PAH: variants seen among roughly 807,000 people sequenced by gnomAD.
The protein encoded by PAH is phenylalanine-4-hydroxylase.
A neutral mutation model predicts 62.0 loss-of-function variants in PAH; 64 were observed. The ratio of observed to expected loss-of-function variants is 1.03; its 90% CI spans 0.84 to 1.27. PAH has a LOEUF of 1.27. Ranked by LOEUF, PAH falls within the 50% of genes most tolerant of loss-of-function variation. The probability of loss-of-function intolerance (pLI) is 0.00; values close to 1 mark genes in which losing one functional copy is unlikely to be tolerated. For missense variants in PAH, 579 were observed against 542.8 expected, an observed-to-expected ratio of 1.07 and a Z score of -0.66; for synonymous variants, 195 against 196.2, an observed-to-expected ratio of 0.99 and a Z score of 0.05.
chr12:102,929,041 T>A (rs1380886944), intron 1 of PAH, among the ~76,000 whole-genome samples: 1 of 152,162 alleles, frequency 6.6e-6, no homozygotes, highest in African/African-American at 2.4e-5. Flanking sequence ...CTGATGGTTT[T>A]ATAAAAGGCT....
intron 1 of PAH, among the ~76,000 whole-genome samples, chr12:102,943,444 A>T (rs974194216): frequency 4.6e-5 from 7 of 152,208 alleles, no homozygotes; most frequent in African/African-American, 1.7e-4. Context: ...GTTGTGGAGA[A>T]AAGGATATGT....
rs185366148 is a variant in PAH, at chr12:102,890,049, T to C, written c.352+4686A>G. Among the ~76,000 whole-genome samples, 167 of 152,306 alleles carry C rather than the reference T, an allele frequency of 1.1e-3. 1 individual carries two copies. The highest frequency in any genetic ancestry group is 4.0e-3 in the African/African-American group (166 of 41,554). ...CTTCTCCAGGAGGCATTTGAGAAGG[T>C]TGGGGTTTCTTTACCATGTCGCTGT... On this transcript the variant is annotated intron_variant, in intron 3 of 12. Coordinates refer to ENST00000553106, the MANE Select transcript of PAH (RefSeq NM_000277.3).
chr12:102,922,537 G>T (rs1439982882), intron 1 of PAH, among the ~76,000 whole-genome samples: 1 of 152,064 alleles, frequency 6.6e-6, no homozygotes, highest in Non-Finnish European at 1.5e-5. Context: ...TATATCTTGA[G>T]GTCACGCTGT....
Position 102,852,914 on chromosome 12 carries a change from A to C in PAH, c.743T>G (p.Leu248Arg), listed in dbSNP as rs62507340. The C allele has an allele frequency of 1.2e-6, 2 of 1,614,156 alleles. No individual in the cohort carries two copies. The highest frequency in any genetic ancestry group is 1.7e-6 in the Non-Finnish European group (2 of 1,180,004). The part of the protein sequence containing the change: ...TGFRLRPVAG[L>R]LSSRDFLGGL... ...ACCCAAGAAATCCCGAGAGGAAAGC[A>C]GGCCAGCCACAGGTCGGAGGCGGAA... The change falls in exon 7 of 13, where the codon CTG becomes CGG. Residue 248 changes from leucine to arginine, a missense_variant. Physicochemically the swap from Leu to Arg is moderately radical, Grantham distance 102. Transcript: ENST00000553106.
At chr12:102,942,797 C>T (rs1053103590) in intron 1 of PAH, among the ~76,000 whole-genome samples, 22 of 152,042 alleles carry the variant, frequency 1.4e-4, no homozygotes, top group African/African-American at 5.1e-4. Context: ...ACAAAGCTGA[C>T]AATCATAAGC....
At chr12:102,952,549 A>AG (rs1879797497), upstream of PAH, among the ~76,000 whole-genome samples, 2 of 152,150 alleles carry the variant, frequency 1.3e-5, no homozygotes, top group Admixed American at 6.5e-5. Flanking sequence ...TAGATTAACG[A>AG]CTTTCTTTAT....
intron 3 of PAH, among the ~76,000 whole-genome samples, chr12:102,884,303 G>A (rs914832236): frequency 6.6e-6 from 1 of 152,210 alleles, no homozygotes; most frequent in Non-Finnish European, 1.5e-5. Context: ...GTCGATCCCT[G>A]ATGTGGCTCA....
At chr12:102,891,019 G>A (rs1877255910) in intron 3 of PAH, among the ~76,000 whole-genome samples, 2 of 152,186 alleles carry the variant, frequency 1.3e-5, no homozygotes, top group Non-Finnish European at 2.9e-5. Context: ...GAGAGGCGGA[G>A]GTTGCAGTGA....
At chr12:102,912,505 TCACA>T (rs1328405276) in intron 2 of PAH, among the ~76,000 whole-genome samples, 1 of 152,144 alleles carries the variant, frequency 6.6e-6, no homozygotes, top group Non-Finnish European at 1.5e-5. Context: ...TCATGCCTAA[TCACA>T]CATATGATTA....
chr12:102,853,578 T>C (rs375918216), intron 6 of PAH, among the ~76,000 whole-genome samples: 3 of 152,216 alleles, frequency 2.0e-5, no homozygotes, highest in East Asian at 1.9e-4. Flanking sequence ...GCTCTATGAA[T>C]TGGCAGGTAA....
chr12:102,843,408 G>T (rs1477433303), intron 11 of PAH, among the ~76,000 whole-genome samples: 1 of 152,084 alleles, frequency 6.6e-6, no homozygotes, highest in Non-Finnish European at 1.5e-5. Context: ...TCAGTGTCTT[G>T]ACTTGGTGGT....
intron 5 of PAH, among the ~76,000 whole-genome samples, chr12:102,866,083 G>GAAA (rs3062690): frequency 0.037 from 5,361 of 144,852 alleles, 260 homozygotes; most frequent in African/African-American, 0.11. Flanking sequence ...CCCCAGACAG[G>GAAA]AAAAAAAAAA....
intron 5 of PAH, among the ~76,000 whole-genome samples, chr12:102,864,167 T>C (rs1434734414): frequency 6.6e-6 from 1 of 151,886 alleles, no homozygotes; most frequent in Non-Finnish European, 1.5e-5. Context: ...GGGGCAAAGG[T>C]ATAGGGAGTT....
At chr12:102,881,929 C>T (rs1345963129) in intron 3 of PAH, among the ~76,000 whole-genome samples, 1 of 152,168 alleles carries the variant, frequency 6.6e-6, no homozygotes, top group African/African-American at 2.4e-5. Context: ...ACAGGGGGTG[C>T]AGATATCTCT....
Position 102,839,178 on chromosome 12 carries a change from C to CT in PAH, c.1355dup (p.Ter453ValfsTer36), listed in dbSNP as rs199475641. 3.1e-6 allele frequency: 5 copies of CT among 1,613,514 alleles called. No individual in the cohort carries two copies. Among genetic ancestry groups the CT allele is most frequent in the Non-Finnish European group, 4.2e-6 (5 of 1,179,616 alleles). ...AGACCACATTCTGTCCATGGCTTTA[C>CT]TTTATTTTCTGGAGGGCACTGCAAA... On this transcript the variant is annotated frameshift_variant, in exon 13 of 13. Transcript: ENST00000553106. LOFTEE classifies it high-confidence loss of function.
intron 1 of PAH, among the ~76,000 whole-genome samples, chr12:102,930,011 G>T (rs1372055298): frequency 1.3e-5 from 2 of 152,088 alleles, no homozygotes; most frequent in Non-Finnish European, 1.5e-5. Flanking sequence ...TCTATTATGT[G>T]TTATCTTTCT....
Position 102,843,689 on chromosome 12 carries a change from A to G in PAH, c.1156T>C (p.Tyr386His), listed in dbSNP as rs199475691. 1 of 1,613,532 alleles carries G rather than the reference A, an allele frequency of 6.2e-7. No homozygotes were observed. Among genetic ancestry groups the G allele is most frequent in the Non-Finnish European group, 8.5e-7 (1 of 1,179,692 alleles). The change falls in exon 11 of 13, where the codon TAT becomes CAT. Residue 386 changes from tyrosine (Y) to histidine (H), a missense_variant. Coordinates refer to ENST00000553106, the MANE Select transcript of PAH (RefSeq NM_000277.3). ...TCATTAAAACTCTCTGCCACGTAAT[A>G]GAGGGGCTGGAACTCCGTGACAGTG... ...NYTVTEFQPL[Y>H]YVAESFNDAK...
chr12:102,958,379 G>C (rs752513789), upstream of PAH: 97 of 1,485,256 alleles, frequency 6.5e-5, no homozygotes, highest in Non-Finnish European at 7.6e-5. Flanking sequence ...CCGCCGCAGC[G>C]GCAGCGCAGA....
chr12:102,952,315 GTT>G (rs150220069), upstream of PAH, among the ~76,000 whole-genome samples: 4 of 150,202 alleles, frequency 2.7e-5, no homozygotes, highest in East Asian at 7.8e-4. Context: ...TTTATTGTAA[GTT>G]TTTTTTTTCT....
Sources: allele counts gnomAD v4.1 joint callset (sites outside exome capture counted in the v4.1 genomes callset), GRCh38; gene constraint gnomAD v4.1.1; transcripts MANE v1.5; gene names NCBI Gene and HGNC (gene_info 2026-07-23, HGNC 2026-07-21).